TMEM163: variants seen among roughly 807,000 people sequenced by gnomAD.
TMEM163 encodes the protein transmembrane protein 163.
In TMEM163, 17 loss-of-function variants were observed where a neutral mutation model predicts 29.3. The ratio of observed to expected loss-of-function variants is 0.58; its 90% CI spans 0.40 to 0.87. The LOEUF (loss-of-function observed/expected upper bound fraction) is 0.87. Among genes scored for constraint, TMEM163 ranks in the 40% least tolerant of loss-of-function variants. The pLI, the probability that TMEM163 is intolerant of heterozygous loss-of-function variation, is 0.00. For synonymous variants in TMEM163, 157 were observed against 160.6 expected (o/e 0.98, Z 0.17); for missense variants, 303 against 381.5 (o/e 0.79, Z 1.71).
At position 134,713,738 on chromosome 2, in the gene TMEM163, A is replaced by G. The variant is rs954739963; in HGVS notation, c.203-419T>C. Reference sequence around the variant, plus strand: ...ATTCAGCTGGGCCTTCAGGCTCCTCAGCTGTGAGCATTGATTCACCAGCAC... The same window carrying G: ...ATTCAGCTGGGCCTTCAGGCTCCTCGGCTGTGAGCATTGATTCACCAGCAC... On this transcript the variant is annotated intron_variant, in intron 1 of 7. Coordinates refer to ENST00000281924, the MANE Select transcript of TMEM163 (RefSeq NM_030923.5). 7 of 454,652 alleles carry G rather than the reference A, an allele frequency of 1.5e-5. 1 individual carries two copies. Among genetic ancestry groups the G allele is most frequent in the Admixed American group, 7.1e-5 (3 of 42,510 alleles). 28.2% of individuals were successfully genotyped at this position (454,652 alleles called of 1,614,324 possible).
chr2:134,555,591 C>T (rs796067670), intron 2 of TMEM163, among the ~76,000 whole-genome samples: 10 of 152,334 alleles, frequency 6.6e-5, no homozygotes, highest in African/African-American at 2.4e-4. Flanking sequence ...TGGGGCGGAG[C>T]TCTCCTATGA....
chr2:134,703,191 A>C (rs934842729), intron 2 of TMEM163, among the ~76,000 whole-genome samples: 3 of 152,280 alleles, frequency 2.0e-5, no homozygotes, highest in East Asian at 3.9e-4. Flanking sequence ...GGGGTCCAAC[A>C]GAAGAGAAAA....
At chr2:134,543,331 T>C (rs1438582969) in intron 4 of TMEM163, among the ~76,000 whole-genome samples, 1 of 152,224 alleles carries the variant, frequency 6.6e-6, no homozygotes, top group African/African-American at 2.4e-5. Flanking sequence ...ACCTTCTGCC[T>C]TAACTCTCAT....
At chr2:134,472,892 T>A (rs986790530) in intron 5 of TMEM163, among the ~76,000 whole-genome samples, 3 of 152,224 alleles carry the variant, frequency 2.0e-5, no homozygotes, top group African/African-American at 7.2e-5. Context: ...TCTCTGACAA[T>A]GGGATTAAAC....
chr2:134,558,091 T>A (rs1681087754), intron 2 of TMEM163, among the ~76,000 whole-genome samples: 1 of 152,204 alleles, frequency 6.6e-6, no homozygotes, highest in Non-Finnish European at 1.5e-5. Context: ...TATCTGGGAC[T>A]AGGCTGCACT....
chr2:134,522,862 G>A (rs1680215857), intron 4 of TMEM163, among the ~76,000 whole-genome samples: 1 of 152,166 alleles, frequency 6.6e-6, no homozygotes. Flanking sequence ...CAAGGGGCGG[G>A]GGGAAAAAGA....
chr2:134,517,201 C>A (rs1382498606), intron 4 of TMEM163, among the ~76,000 whole-genome samples: 1 of 152,178 alleles, frequency 6.6e-6, no homozygotes, highest in Non-Finnish European at 1.5e-5. Context: ...GTTCTGTGGA[C>A]ATGAATTCCC....
At chr2:134,541,607 C>T (rs1167140224) in intron 4 of TMEM163, among the ~76,000 whole-genome samples, 2 of 152,334 alleles carry the variant, frequency 1.3e-5, no homozygotes, top group East Asian at 1.9e-4. Flanking sequence ...TAAACCCATA[C>T]ATAGAATACC....
chr2:134,576,299 C>T (rs1242084733), intron 2 of TMEM163, among the ~76,000 whole-genome samples: 1 of 152,110 alleles, frequency 6.6e-6, no homozygotes, highest in Non-Finnish European at 1.5e-5. Flanking sequence ...AGTCGTGAGA[C>T]AAGCCTGTGA....
intron 2 of TMEM163, among the ~76,000 whole-genome samples, chr2:134,584,513 C>T (rs1221578121): frequency 6.6e-6 from 1 of 152,114 alleles, no homozygotes; most frequent in African/African-American, 2.4e-5. Flanking sequence ...AGGTGAAAAA[C>T]CCCTCCCCAT....
At chr2:134,558,552 T>C (rs758084417) in intron 2 of TMEM163, among the ~76,000 whole-genome samples, 2 of 152,050 alleles carry the variant, frequency 1.3e-5, no homozygotes, top group Non-Finnish European at 2.9e-5. Context: ...CAACCCATTG[T>C]TAGGGCAAAG....
intron 5 of TMEM163, 123 bp from the exon 6 acceptor site, chr2:134,466,348 TG>T: frequency 1.4e-6 from 1 of 739,824 alleles, no homozygotes; most frequent in Non-Finnish European, 2.3e-6. Flanking sequence ...TGCCACCAGG[TG>T]GGGGTATACT....
chr2:134,682,933 T>C (rs1321355357), intron 2 of TMEM163, among the ~76,000 whole-genome samples: 1 of 152,088 alleles, frequency 6.6e-6, no homozygotes, highest in African/African-American at 2.4e-5. Flanking sequence ...TGTTACTCAG[T>C]GCCAAAAGGA....
At chr2:134,480,974 C>G (rs559648142) in intron 5 of TMEM163, among the ~76,000 whole-genome samples, 8 of 152,126 alleles carry the variant, frequency 5.3e-5, no homozygotes, top group Middle Eastern at 3.2e-3. Context: ...CCATGACCCC[C>G]GAAGTTCCTT....
In TMEM163 at chr2:134,711,467, T is replaced by A. The variant is rs1298530997; in HGVS notation, c.322+1733A>T. 2.0e-5 allele frequency among the ~76,000 whole-genome samples: 3 copies of A among 152,222 alleles called. No homozygotes were observed. The East Asian group carries it at 5.8e-4, about 29-fold the overall frequency. On this transcript the variant is annotated intron_variant, in intron 2 of 7. Transcript: ENST00000281924. ...AGATAACACAAATCATGATATTATA[T>A]GCCAATACCAACATTTTATTGGCTA...
intron 5 of TMEM163, among the ~76,000 whole-genome samples, chr2:134,502,277 C>T (rs1311256257): frequency 6.6e-6 from 1 of 152,144 alleles, no homozygotes; most frequent in Non-Finnish European, 1.5e-5. Context: ...CTGGTAACCA[C>T]ATCAGCTGCC....
intron 2 of TMEM163, among the ~76,000 whole-genome samples, chr2:134,706,473 A>T (rs1471954935): frequency 6.6e-6 from 1 of 152,196 alleles, no homozygotes; most frequent in Non-Finnish European, 1.5e-5. Flanking sequence ...TGCCGAAAGC[A>T]ATAACACAAT....
intron 2 of TMEM163, among the ~76,000 whole-genome samples, chr2:134,557,130 A>C (rs1010090105): frequency 3.3e-5 from 5 of 152,256 alleles, no homozygotes; most frequent in Non-Finnish European, 5.9e-5. Flanking sequence ...GAGGTGGAAC[A>C]CTTGGCATGT....
At chr2:134,497,799 G>C (rs58184495) in intron 5 of TMEM163, among the ~76,000 whole-genome samples, 5,014 of 152,202 alleles carry the variant, frequency 0.033, 295 homozygotes, top group African/African-American at 0.12. Context: ...TCTTCCAATG[G>C]CATGTTCAGC....
Sources: allele counts gnomAD v4.1 joint callset (sites outside exome capture counted in the v4.1 genomes callset), GRCh38; gene constraint gnomAD v4.1.1; transcripts MANE v1.5; gene names NCBI Gene and HGNC (gene_info 2026-07-23, HGNC 2026-07-21).